The following DPYSL5 variants were observed in gnomAD, a reference collection of about 807,000 sequenced individuals.
DPYSL5 encodes the protein dihydropyrimidinase-related protein 5.
Under a neutral mutation model 58.4 loss-of-function variants are expected in DPYSL5, and 9 were observed. That is an observed-to-expected ratio of 0.15 (90% CI 0.09 to 0.27). The LOEUF is 0.27. Among genes scored for constraint, DPYSL5 ranks in the 10% least tolerant of loss-of-function variants. The pLI is 1.00. For synonymous variants in DPYSL5, 293 were observed against 301.9 expected (o/e 0.97, Z 0.31); for missense variants, 499 against 770.6 (o/e 0.65, Z 4.17).
chr2:26,944,308 G>A lies in DPYSL5; in HGVS notation c.1441-348G>A, dbSNP rs531244085. ...TCAAAAAAAAGAAAAGAAAAATTTG[G>A]TTAAAGTTGACTTCCTCAGATGTCT... On this transcript the variant is annotated intron_variant, in intron 11 of 12. Coordinates refer to ENST00000288699, the MANE Select transcript of DPYSL5 (RefSeq NM_020134.4). This position sits in a 1 kb window ranked among gnomAD's most constrained non-coding sequence, Gnocchi z 4.4. Among the ~76,000 whole-genome samples, 1 of 152,168 alleles carries A rather than the reference G, an allele frequency of 6.6e-6. No homozygotes were observed. Among genetic ancestry groups the A allele is most frequent in the African/African-American group, 2.4e-5 (1 of 41,524 alleles).
intron 6 of DPYSL5, among the ~76,000 whole-genome samples, chr2:26,932,855 C>T (rs937250526): frequency 1.3e-5 from 2 of 152,116 alleles, no homozygotes; most frequent in African/African-American, 4.8e-5. Flanking sequence ...CAGCAGGCAT[C>T]GTAATTTTAG....
chr2:26,903,254 A>C (rs1664206599), intron 2 of DPYSL5, among the ~76,000 whole-genome samples: 1 of 152,120 alleles, frequency 6.6e-6, no homozygotes, highest in African/African-American at 2.4e-5. Context: ...TATTTTTAGT[A>C]GAGAATGGGG....
At chr2:26,869,088 C>T (rs1018438459) in intron 1 of DPYSL5, among the ~76,000 whole-genome samples, 1 of 152,132 alleles carries the variant, frequency 6.6e-6, no homozygotes, top group Non-Finnish European at 1.5e-5. Context: ...CCTCAGCCTC[C>T]TGAGTAGCTG....
chr2:26,922,245 G>A (rs1664723755), intron 2 of DPYSL5, among the ~76,000 whole-genome samples: 1 of 152,196 alleles, frequency 6.6e-6, no homozygotes, highest in African/African-American at 2.4e-5. Flanking sequence ...TTTGCAGAAG[G>A]TGGACAGAGC....
intron 5 of DPYSL5, among the ~76,000 whole-genome samples, chr2:26,930,460 G>C (rs1395141394): frequency 1.3e-5 from 2 of 152,206 alleles, no homozygotes; most frequent in African/African-American, 4.8e-5. Flanking sequence ...GGATGCTACA[G>C]GCATCTAGCG....
In DPYSL5 at chr2:26,947,259, C is replaced by T. The variant is rs1162006968; in HGVS notation, c.*264C>T. On this transcript the variant is annotated 3_prime_UTR_variant, in exon 13 of 13. Coordinates refer to ENST00000288699, the MANE Select transcript of DPYSL5 (RefSeq NM_020134.4). This position sits in a 1 kb window ranked among gnomAD's most constrained non-coding sequence, Gnocchi z 4.2. ...GCTTTTCTGGGGCCCAGGAAGCCCA[C>T]ACTATGCACAGAGCCCAATGCATAG... 4 of 450,688 alleles carry T rather than the reference C, an allele frequency of 8.9e-6. No individual in the cohort carries two copies. The highest frequency in any genetic ancestry group is 1.6e-5 in the Non-Finnish European group (4 of 243,338). 27.9% of individuals were successfully genotyped at this position (450,688 alleles called of 1,614,324 possible).
At position 26,924,135 on chromosome 2, in the gene DPYSL5, T is replaced by C. The variant is rs1292526943; in HGVS notation, c.262-752T>C. On this transcript the variant is annotated intron_variant, in intron 2 of 12. Transcript: ENST00000288699. The surrounding 1 kb of genome is among the most constrained non-coding windows in gnomAD (Gnocchi z 4.7). Reference sequence around the variant, plus strand: ...TTAGTCATTTTTCCTGGGGGTTCACTCTATGATTGCGAGTGAGGCTTTTTA... The same window carrying C: ...TTAGTCATTTTTCCTGGGGGTTCACCCTATGATTGCGAGTGAGGCTTTTTA... 6.6e-6 allele frequency among the ~76,000 whole-genome samples: 1 copy of C among 152,236 alleles called. No homozygotes were observed. The highest frequency in any genetic ancestry group is 6.5e-5 in the Admixed American group (1 of 15,284).
rs538887952 is a variant in DPYSL5 at position 26,934,605 on chromosome 2, C to G, written c.818C>G (p.Thr273Ser). Residue 273 changes from threonine (T) to serine (S), a missense_variant, in exon 8 of 13, where the codon ACT becomes AGT. Transcript: ENST00000288699. The surrounding 1 kb of genome is among the most constrained non-coding windows in gnomAD (Gnocchi z 4.3). Reference sequence around the variant, plus strand: ...AAGGTTGTGCTGGCGGAGACCACCACTGCACATGCCACGCTGACAGGCTTA... The same window carrying G: ...AAGGTTGTGCTGGCGGAGACCACCAGTGCACATGCCACGCTGACAGGCTTA... ...QGKVVLAETT[T>S]AHATLTGLHY... The G allele has an allele frequency of 9.3e-6, 15 of 1,613,444 alleles. No homozygotes were observed. The Admixed American group carries it at 2.5e-4, about 27-fold the overall frequency.
At chr2:26,850,501 T>G (rs1169397234) in intron 1 of DPYSL5, among the ~76,000 whole-genome samples, 2 of 152,138 alleles carry the variant, frequency 1.3e-5, no homozygotes, top group Non-Finnish European at 2.9e-5. Context: ...AAGTTAAAGG[T>G]GAATCTTTAG....
intron 1 of DPYSL5, among the ~76,000 whole-genome samples, chr2:26,884,529 C>CACAA (rs1330826253): frequency 1.3e-5 from 2 of 151,542 alleles, no homozygotes; most frequent in African/African-American, 4.8e-5. Flanking sequence ...CTCACACACA[C>CACAA]ACACACACAC....
chr2:26,943,139 G>C (rs893067760), intron 11 of DPYSL5, among the ~76,000 whole-genome samples: 1 of 152,078 alleles, frequency 6.6e-6, no homozygotes, highest in Non-Finnish European at 1.5e-5. Flanking sequence ...GAAGCAAGCG[G>C]GGGGTAGAGC....
At position 26,934,886 on chromosome 2, in the gene DPYSL5, T is replaced by C; in HGVS notation, c.947+152T>C. 1 of 1,079,614 alleles carries C rather than the reference T, an allele frequency of 9.3e-7. No homozygotes were observed. Among genetic ancestry groups the C allele is most frequent in the Non-Finnish European group, 1.3e-6 (1 of 753,320 alleles). 66.9% of individuals were successfully genotyped at this position (1,079,614 alleles called of 1,614,324 possible). On this transcript the variant is annotated intron_variant, in intron 8 of 12. Coordinates refer to ENST00000288699, the MANE Select transcript of DPYSL5 (RefSeq NM_020134.4). This position sits in a 1 kb window ranked among gnomAD's most constrained non-coding sequence, Gnocchi z 4.3. Reference sequence around the variant, plus strand: ...ACCTTCTCTGAGCCCATCAGATAATTGCCATCCTATTGGGATTTTATGACC... The same window carrying C: ...ACCTTCTCTGAGCCCATCAGATAATCGCCATCCTATTGGGATTTTATGACC...
At position 26,869,483 on chromosome 2, in the gene DPYSL5, G is replaced by T. The variant is rs548555541; in HGVS notation, c.-5+21229G>T. Reference sequence around the variant, plus strand: ...TCCCCATTCCCACCCCCAGCCCTAGGCAGCCACTGCTCAAAATAGATCAAA... The same window carrying T: ...TCCCCATTCCCACCCCCAGCCCTAGTCAGCCACTGCTCAAAATAGATCAAA... On this transcript the variant is annotated intron_variant, in intron 1 of 12. Coordinates refer to ENST00000288699, the MANE Select transcript of DPYSL5 (RefSeq NM_020134.4). Among the ~76,000 whole-genome samples, 7 of 152,126 alleles carry T rather than the reference G, an allele frequency of 4.6e-5. No homozygotes were observed. In the East Asian group the frequency reaches 1.3e-3, roughly 29 times the overall value.
chr2:26,927,221 C>T lies in DPYSL5; in HGVS notation c.421-32C>T, dbSNP rs1664850063. 2 of 1,593,768 alleles carry T rather than the reference C, an allele frequency of 1.3e-6. No individual in the cohort carries two copies. The highest frequency in any genetic ancestry group is 1.7e-6 in the Non-Finnish European group (2 of 1,168,242). On this transcript the variant is annotated intron_variant, in intron 3 of 12. Transcript: ENST00000288699. The surrounding 1 kb of genome is among the most constrained non-coding windows in gnomAD (Gnocchi z 4.3). Reference sequence around the variant, plus strand: ...AGTCGGCCTCTTGGGTGTCTGCCCTCACGCAGCATTGCCCTTCTACTTGTT... The same window carrying T: ...AGTCGGCCTCTTGGGTGTCTGCCCTTACGCAGCATTGCCCTTCTACTTGTT...
rs1172838981 is a variant in DPYSL5 at position 26,950,304 on chromosome 2, C to A, written c.*3309C>A. ...TTGAGGCAAAAACTAAACAGCCCGA[C>A]ACGTTGTGTTCTGGTGCAGGTTTGT... On this transcript the variant is annotated 3_prime_UTR_variant, in exon 13 of 13. Coordinates refer to ENST00000288699, the MANE Select transcript of DPYSL5 (RefSeq NM_020134.4). The surrounding 1 kb of genome is among the most constrained non-coding windows in gnomAD (Gnocchi z 5.3). 1 of 152,232 alleles carries A rather than the reference C, an allele frequency of 6.6e-6. No individual in the cohort carries two copies. Among genetic ancestry groups the A allele is most frequent in the Admixed American group, 6.5e-5 (1 of 15,272 alleles). The allele number at this position is 152,232 out of a possible 1,614,324, so 9.4% of individuals were successfully genotyped here.
At chr2:26,929,601 C>T (rs1485585122) in intron 5 of DPYSL5, among the ~76,000 whole-genome samples, 1 of 152,256 alleles carries the variant, frequency 6.6e-6, no homozygotes, top group East Asian at 1.9e-4. Context: ...CATCCCTGTC[C>T]TGGTCTGTGG....
intron 1 of DPYSL5, among the ~76,000 whole-genome samples, chr2:26,855,554 C>G (rs1665858877): frequency 6.6e-6 from 1 of 152,136 alleles, no homozygotes; most frequent in Admixed American, 6.5e-5. Flanking sequence ...TAACATCTGT[C>G]CACTTTCATT....
At chr2:26,878,042 A>G (rs1663458228) in intron 1 of DPYSL5, among the ~76,000 whole-genome samples, 1 of 152,210 alleles carries the variant, frequency 6.6e-6, no homozygotes, top group Admixed American at 6.5e-5. Context: ...CCTTAGGAGG[A>G]ATTCTTAGAC....
In DPYSL5 at chr2:26,927,417, G is replaced by A. The variant is rs369417506; in HGVS notation, c.585G>A (p.Gly195=). ...GAIARVHAEN[G]ELVAEGAKEA... is the part of the protein sequence containing the mutation. ...TCGCCCGCGTCCATGCTGAAAATGG[G>A]GAGCTTGTGGCCGAGGCAAGTCTGC... The change falls in exon 4 of 13, where the codon GGG becomes GGA. Residue 195 remains glycine, a synonymous_variant. Coordinates refer to ENST00000288699, the MANE Select transcript of DPYSL5 (RefSeq NM_020134.4). The surrounding 1 kb of genome is among the most constrained non-coding windows in gnomAD (Gnocchi z 4.3). The A allele has an allele frequency of 1.2e-6, 2 of 1,613,888 alleles. No individual in the cohort carries two copies. Among genetic ancestry groups the A allele is most frequent in the Non-Finnish European group, 1.7e-6 (2 of 1,179,956 alleles).
Sources: allele counts gnomAD v4.1 joint callset (sites outside exome capture counted in the v4.1 genomes callset), GRCh38; gene constraint gnomAD v4.1.1; non-coding constraint Gnocchi (gnomAD v3.1); transcripts MANE v1.5; gene names NCBI Gene and HGNC (gene_info 2026-07-23, HGNC 2026-07-21).